PRIMA1: variants seen among roughly 807,000 people sequenced by gnomAD.
PRIMA1 encodes proline rich membrane anchor 1.
Under a neutral mutation model 17.5 loss-of-function variants are expected in PRIMA1, and 7 were observed. The ratio of observed to expected loss-of-function variants is 0.40; its 90% CI spans 0.23 to 0.75. The LOEUF (loss-of-function observed/expected upper bound fraction) is 0.75, where lower values mean the gene tolerates loss of function less well. Among genes scored for constraint, PRIMA1 ranks in the 30% least tolerant of loss-of-function variants. The pLI is 0.37. For synonymous variants in PRIMA1, 97 were observed against 77.9 expected (o/e 1.25, Z -1.29); for missense variants, 200 against 201.8 (o/e 0.99, Z 0.05).
At chr14:93,758,592 C>G (rs2076306484) in intron 3 of PRIMA1, among the ~76,000 whole-genome samples, 1 of 86,838 alleles carries the variant, frequency 1.2e-5, no homozygotes, top group African/African-American at 5.2e-5. Context: ...GAGCAAGACT[C>G]TCAAAAAAAA....
rs762655025 is a variant in PRIMA1, at chr14:93,721,432, G to A, written c.*12C>T. ...GGTGTCCCTCTGGCCAGCGGGTCCA[G>A]GGCCTGCAGACTCACACCACTGCGT... On this transcript the variant is annotated 3_prime_UTR_variant, in exon 5 of 5. Coordinates refer to ENST00000393140, the MANE Select transcript of PRIMA1 (RefSeq NM_178013.4). The A allele has an allele frequency of 1.3e-6, 2 of 1,584,410 alleles. No homozygotes were observed. Among genetic ancestry groups the A allele is most frequent in the Admixed American group, 3.3e-5 (2 of 59,858 alleles).
At position 93,718,626 on chromosome 14, in the gene PRIMA1, G is replaced by C. The variant is rs945619407; in HGVS notation, c.*2818C>G. 10 of 49,902 alleles carry C rather than the reference G, an allele frequency of 2.0e-4. No individual in the cohort carries two copies. The highest frequency in any genetic ancestry group is 6.1e-4 in the African/African-American group (10 of 16,278). The allele number at this position is 49,902 out of a possible 1,614,324, so 3.1% of individuals were successfully genotyped here. A position where few individuals can be genotyped will look rare whatever the true frequency, so the allele number is the denominator to read the frequency against. ...TTGTACAGATGCAGAGAGTACAGTA[G>C]TTGTATTTATATATATATATATATG... On this transcript the variant is annotated 3_prime_UTR_variant, in exon 5 of 5. Transcript: ENST00000393140.
At chr14:93,734,225 C>T (rs1325001792) in intron 4 of PRIMA1, among the ~76,000 whole-genome samples, 1 of 152,238 alleles carries the variant, frequency 6.6e-6, no homozygotes, top group African/African-American at 2.4e-5. Context: ...CGCAGCATAG[C>T]GTCGGCTTAC....
intron 3 of PRIMA1, among the ~76,000 whole-genome samples, chr14:93,752,755 G>A (rs1247866208): frequency 6.6e-6 from 1 of 152,042 alleles, no homozygotes; most frequent in African/African-American, 2.4e-5. Context: ...CCAGTCTGAA[G>A]ATCCGGGGCA....
At chr14:93,733,309 G>C (rs554426966) in intron 4 of PRIMA1, among the ~76,000 whole-genome samples, 1 of 134,334 alleles carries the variant, frequency 7.4e-6, no homozygotes, top group African/African-American at 2.9e-5. Context: ...CTTGGTGAAG[G>C]CTTGCTGAGT....
chr14:93,786,997 A>C (rs1031248156), intron 2 of PRIMA1, among the ~76,000 whole-genome samples: 4 of 151,644 alleles, frequency 2.6e-5, no homozygotes, highest in Admixed American at 2.6e-4. Context: ...TCACCTCTCC[A>C]CTGTACCAGT....
In PRIMA1 at chr14:93,769,723, GT is replaced by G. The variant is rs1293906630; in HGVS notation, c.229+9452del. On this transcript the variant is annotated intron_variant, in intron 3 of 4. Transcript: ENST00000393140. ...CAGGCCTGGACCTCCTCTTTTGTTA[GT>G]CGGAAACTCATCACAACTTGGAGGA... Among the ~76,000 whole-genome samples, 5 of 152,326 alleles carry G rather than the reference GT, an allele frequency of 3.3e-5. No homozygotes were observed. The East Asian group carries it at 9.6e-4, about 29-fold the overall frequency.
intron 2 of PRIMA1, among the ~76,000 whole-genome samples, chr14:93,784,672 C>T (rs2141198432): frequency 6.6e-6 from 1 of 152,322 alleles, no homozygotes; most frequent in Middle Eastern, 3.4e-3. Flanking sequence ...GCTGTTCTGT[C>T]TGCCTGGACA....
At chr14:93,756,865 C>T (rs1250218770) in intron 3 of PRIMA1, among the ~76,000 whole-genome samples, 1 of 152,180 alleles carries the variant, frequency 6.6e-6, no homozygotes, top group East Asian at 1.9e-4. Flanking sequence ...AATCCAGCAG[C>T]AAGTCCCCTT....
At chr14:93,746,721 G>A (rs1012873985) in intron 3 of PRIMA1, among the ~76,000 whole-genome samples, 5 of 152,198 alleles carry the variant, frequency 3.3e-5, no homozygotes, top group Admixed American at 1.3e-4. Context: ...ACCTAGCAGC[G>A]AGATGGCGGG....
At chr14:93,737,890 A>C (rs2076161330) in intron 3 of PRIMA1, among the ~76,000 whole-genome samples, 1 of 152,104 alleles carries the variant, frequency 6.6e-6, no homozygotes, top group Admixed American at 6.5e-5. Context: ...TCCCCATAAA[A>C]AATAACAGAG....
chr14:93,779,233 G>GGGCC lies in PRIMA1; in HGVS notation c.171_172insGGCC (p.Pro58GlyfsTer30). ...GGTGGGGGCGGCGGGGGCAGCGGGG[G>GGGCC]AGGGGGCCGGCACTGGCAGACGTGT... is the stretch of plus-strand genomic sequence containing the variant. On this transcript the variant is annotated frameshift_variant, in exon 3 of 5. Coordinates refer to ENST00000393140, the MANE Select transcript of PRIMA1 (RefSeq NM_178013.4). LOFTEE classifies it high-confidence loss of function. The GGGCC allele has an allele frequency of 3.7e-6, 4 of 1,094,092 alleles. No individual in the cohort carries two copies. The highest frequency in any genetic ancestry group is 5.2e-6 in the Non-Finnish European group (4 of 775,636). The allele number at this position is 1,094,092 out of a possible 1,614,324, so 67.8% of individuals were successfully genotyped here. A position where few individuals can be genotyped will look rare whatever the true frequency, so the allele number is the denominator to read the frequency against.
Position 93,787,644 on chromosome 14 carries a change from C to T in PRIMA1, c.75G>A (p.Pro25=). 1 of 1,542,522 alleles carries T rather than the reference C, an allele frequency of 6.5e-7. No individual in the cohort carries two copies. The highest frequency in any genetic ancestry group is 1.2e-5 in the South Asian group (1 of 84,042). Residue 25 remains proline (P), a synonymous_variant, in exon 2 of 5, where the codon CCG becomes CCA. Coordinates refer to ENST00000393140, the MANE Select transcript of PRIMA1 (RefSeq NM_178013.4). ...SSLLLHCALH[P]LWGFVQVTHG... ...GTCTCACCTGCACGAAGCCCCAGAG[C>T]GGGTGGAGCGCGCAGTGCAGCAGCA...
At position 93,726,472 on chromosome 14, in the gene PRIMA1, G is replaced by A. The variant is rs1418127187; in HGVS notation, c.360-4926C>T. On this transcript the variant is annotated intron_variant, in intron 4 of 4. Transcript: ENST00000393140. The surrounding 1 kb of genome is among the most constrained non-coding windows in gnomAD (Gnocchi z 4.2). ...TATTCATCCCCCGACTGCCCACCCC[G>A]ACACCCTCCCACACCCATACACACA... Among the ~76,000 whole-genome samples, 1 of 146,480 alleles carries A rather than the reference G, an allele frequency of 6.8e-6. No homozygotes were observed. The highest frequency in any genetic ancestry group is 1.5e-5 in the Non-Finnish European group (1 of 66,468).
intron 4 of PRIMA1, among the ~76,000 whole-genome samples, chr14:93,728,071 G>A (rs1187542855): frequency 6.6e-6 from 1 of 152,192 alleles, no homozygotes; most frequent in African/African-American, 2.4e-5. Flanking sequence ...CCCAAGAGAA[G>A]CGGCCCATCC....
Position 93,787,723 on chromosome 14 carries a change from G to A in PRIMA1, c.-5C>T, listed in dbSNP as rs1436382502. The stretch of plus-strand genomic sequence containing the variant: ...CACCAAGTCCCGGAGGAGCATCTCG[G>A]CCAGCGGCGCCCGCTCCTGGGGCGA... On this transcript the variant is annotated 5_prime_UTR_variant, in exon 2 of 5. Coordinates refer to ENST00000393140, the MANE Select transcript of PRIMA1 (RefSeq NM_178013.4). 2 of 1,542,532 alleles carry A rather than the reference G, an allele frequency of 1.3e-6. No individual in the cohort carries two copies. Among genetic ancestry groups the A allele is most frequent in the South Asian group, 1.2e-5 (1 of 83,946 alleles).
chr14:93,738,801 T>C (rs1196631214), intron 3 of PRIMA1, among the ~76,000 whole-genome samples: 2 of 152,204 alleles, frequency 1.3e-5, no homozygotes, highest in Non-Finnish European at 2.9e-5. Context: ...GCCCAGAAAG[T>C]GTCCCCGTGC....
At chr14:93,763,609 A>C (rs891950563) in intron 3 of PRIMA1, among the ~76,000 whole-genome samples, 2 of 151,940 alleles carry the variant, frequency 1.3e-5, no homozygotes, top group African/African-American at 4.8e-5. Context: ...GGCCTAGAGG[A>C]GGGTTGAGGG....
intron 3 of PRIMA1, among the ~76,000 whole-genome samples, chr14:93,743,191 G>T (rs2076194696): frequency 4.6e-5 from 7 of 152,212 alleles, no homozygotes; most frequent in Admixed American, 4.6e-4. Context: ...CCCTGTGAGT[G>T]GCAGCCCACT....
Sources: allele counts gnomAD v4.1 joint callset (sites outside exome capture counted in the v4.1 genomes callset), GRCh38; gene constraint gnomAD v4.1.1; non-coding constraint Gnocchi (gnomAD v3.1); transcripts MANE v1.5; gene names NCBI Gene and HGNC (gene_info 2026-07-23, HGNC 2026-07-21).